Variants in SLC12A6 observed in about 807,000 individuals in gnomAD.
The protein encoded by SLC12A6 is K-Cl cotransporter 3.
SLC12A6 carries 66 observed loss-of-function variants against 135.3 expected under a neutral mutation model. That is an observed-to-expected ratio of 0.49 (90% confidence interval 0.40 to 0.60). SLC12A6 has a LOEUF of 0.60. SLC12A6 is among the 20% of genes least tolerant of loss of function. The probability of loss-of-function intolerance (pLI) is 0.00; values close to 1 mark genes in which losing one functional copy is unlikely to be tolerated. For missense variants in SLC12A6, 1,058 were observed against 1,452.3 expected, an observed-to-expected ratio of 0.73 and a Z score of 4.41; for synonymous variants, 513 against 508.8, an observed-to-expected ratio of 1.01 and a Z score of -0.11.
intron 2 of SLC12A6, among the ~76,000 whole-genome samples, chr15:34,300,636 G>A (rs1482947604): frequency 6.6e-6 from 1 of 151,848 alleles, no homozygotes. Context: ...ACACCCAAAA[G>A]TTTTTAATTA....
Position 34,275,363 on chromosome 15 carries a change from C to G in SLC12A6, c.298G>C (p.Glu100Gln), listed in dbSNP as rs573444140. Residue 100 changes from glutamate (E) to glutamine (Q), a missense_variant, in exon 3 of 26, where the codon GAA becomes CAA. Glu to Gln is a conservative substitution (Grantham distance 29). Coordinates refer to ENST00000354181, the MANE Select transcript of SLC12A6 (RefSeq NM_001365088.1). ...EDLSQNSITG[E>Q]HSQLLDDGHK... ...ACTATACCTAACAGTTGGCTGTGTT[C>G]CCCTGTGATGGAGTTCTGACTCAGG... 1.9e-6 allele frequency: 3 copies of G among 1,548,254 alleles called. No individual in the cohort carries two copies. The East Asian group carries it at 6.8e-5, about 35-fold the overall frequency.
chr15:34,270,668 T>C (rs1258152563), intron 3 of SLC12A6, among the ~76,000 whole-genome samples: 3 of 151,960 alleles, frequency 2.0e-5, no homozygotes, highest in Non-Finnish European at 4.4e-5. Flanking sequence ...CCAGGTGTGA[T>C]GGTGGGTCCC....
chr15:34,271,446 G>C (rs1278224500), intron 3 of SLC12A6, among the ~76,000 whole-genome samples: 1 of 151,764 alleles, frequency 6.6e-6, no homozygotes, highest in Non-Finnish European at 1.5e-5. Flanking sequence ...CCTCAAAACT[G>C]AGGTAGTAGT....
At chr15:34,321,985 T>C (rs1279338505) in intron 2 of SLC12A6, among the ~76,000 whole-genome samples, 2 of 152,226 alleles carry the variant, frequency 1.3e-5, no homozygotes, top group African/African-American at 4.8e-5. Context: ...TAACTGGGAC[T>C]GGGCCTGAAA....
At chr15:34,327,433 G>A (rs571703679) in intron 2 of SLC12A6, among the ~76,000 whole-genome samples, 3 of 152,102 alleles carry the variant, frequency 2.0e-5, no homozygotes, top group East Asian at 3.9e-4. Context: ...TTGGGAGGCC[G>A]AGGCAGACAG....
chr15:34,318,571 T>C (rs1190088715), intron 2 of SLC12A6: 2 of 1,613,828 alleles, frequency 1.2e-6, no homozygotes, highest in Admixed American at 1.7e-5. Flanking sequence ...CTGGTTCATC[T>C]GAATCCTGAA....
At chr15:34,329,949 A>G (rs1476230618) in intron 2 of SLC12A6, among the ~76,000 whole-genome samples, 1 of 152,152 alleles carries the variant, frequency 6.6e-6, no homozygotes, top group Non-Finnish European at 1.5e-5. Context: ...GGGAGGAAGG[A>G]GCTGGAGTAC....
At chr15:34,242,404 T>C (rs896351944) in intron 16 of SLC12A6, among the ~76,000 whole-genome samples, 183 bp from the exon 17 acceptor site, 6 of 152,232 alleles carry the variant, frequency 3.9e-5, no homozygotes, top group Non-Finnish European at 7.3e-5. Context: ...CATGCCTGGA[T>C]GCTGTAGCAA....
intron 3 of SLC12A6, 133 bp downstream of exon 3, chr15:34,275,212 G>A: frequency 1.7e-6 from 1 of 577,932 alleles, no homozygotes; most frequent in Non-Finnish European, 3.2e-6. Flanking sequence ...AGAAACAGCA[G>A]GAAAAAAGTT....
At chr15:34,272,735 GGTATCC>G (rs1894050431) in intron 3 of SLC12A6, among the ~76,000 whole-genome samples, 1 of 152,166 alleles carries the variant, frequency 6.6e-6, no homozygotes, top group Non-Finnish European at 1.5e-5. Context: ...CAGTTCCCCA[GGTATCC>G]TTTACTGCAG....
At chr15:34,303,402 C>T (rs1896391145) in intron 2 of SLC12A6, among the ~76,000 whole-genome samples, 1 of 151,894 alleles carries the variant, frequency 6.6e-6, no homozygotes, top group South Asian at 2.1e-4. Flanking sequence ...TCATGATCTT[C>T]AATAATTTAG....
At position 34,275,387 on chromosome 15, in the gene SLC12A6, G is replaced by T; in HGVS notation, c.274C>A (p.Leu92Met). 2 of 1,508,340 alleles carry T rather than the reference G, an allele frequency of 1.3e-6. No individual in the cohort carries two copies. The highest frequency in any genetic ancestry group is 1.8e-6 in the Non-Finnish European group (2 of 1,084,858). The allele number at this position is 1,508,340 out of a possible 1,614,324, so 93.4% of individuals were successfully genotyped here. A position where few individuals can be genotyped will look rare whatever the true frequency, so the allele number is the denominator to read the frequency against. ...TCCCCTGTGATGGAGTTCTGACTCA[G>T]GTCTGAAAAACAAACAATTGAAAAG... ...TSHPQDVIEDLSQNSITGEHS... is the reference protein window; with the variant it reads ...TSHPQDVIEDMSQNSITGEHS... The change falls in exon 3 of 26, where the codon CTG (leucine) becomes ATG (methionine). Residue 92 changes from leucine to methionine, a missense_variant and splice_region_variant. Coordinates refer to ENST00000354181, the MANE Select transcript of SLC12A6 (RefSeq NM_001365088.1).
At chr15:34,303,426 A>G (rs902038565) in intron 2 of SLC12A6, among the ~76,000 whole-genome samples, 1 of 152,198 alleles carries the variant, frequency 6.6e-6, no homozygotes, top group Non-Finnish European at 1.5e-5. Flanking sequence ...ATATAAATGG[A>G]ATCATATATA....
chr15:34,304,389 A>C (rs956760974), intron 2 of SLC12A6, among the ~76,000 whole-genome samples: 1 of 152,228 alleles, frequency 6.6e-6, no homozygotes, highest in African/African-American at 2.4e-5. Context: ...TTCCTGTACA[A>C]GTTTTTGTGT....
At chr15:34,319,785 C>T (rs1013991094) in intron 2 of SLC12A6, among the ~76,000 whole-genome samples, 1 of 147,018 alleles carries the variant, frequency 6.8e-6, no homozygotes, top group Non-Finnish European at 1.5e-5. Context: ...AGCGACAGAG[C>T]GAGACTCTGT....
chr15:34,331,728 G>A (rs1246504680), intron 2 of SLC12A6, among the ~76,000 whole-genome samples: 2 of 152,098 alleles, frequency 1.3e-5, no homozygotes. Context: ...AGTGATATAG[G>A]TATTATAGCA....
At chr15:34,323,919 T>C (rs1012059614) in intron 2 of SLC12A6, among the ~76,000 whole-genome samples, 5 of 137,108 alleles carry the variant, frequency 3.6e-5, no homozygotes, top group African/African-American at 1.4e-4. Context: ...CCAGCCTAGG[T>C]GACAGAGTGA....
intron 3 of SLC12A6, among the ~76,000 whole-genome samples, chr15:34,264,832 C>T (rs979503371): frequency 1.3e-5 from 2 of 152,142 alleles, no homozygotes; most frequent in Admixed American, 6.5e-5. Flanking sequence ...TTGATATTTT[C>T]AGTAACAAAA....
chr15:34,318,809 G>C (rs575310127), intron 2 of SLC12A6: 5 of 1,543,370 alleles, frequency 3.2e-6, no homozygotes, highest in South Asian at 2.3e-5. Context: ...GCTGGGATTC[G>C]GGAAGTACTT....
Sources: gnomAD v4.1 joint callset for allele counts (sites outside exome capture counted in the v4.1 genomes callset) on GRCh38, gnomAD v4.1.1 for gene constraint, MANE v1.5 for transcripts, NCBI Gene and HGNC (gene_info 2026-07-23, HGNC 2026-07-21) for gene names.